BMPR2: variants seen among roughly 807,000 people sequenced by gnomAD.
The protein encoded by BMPR2 is bone morphogenetic protein receptor type 2.
A neutral mutation model predicts 100.8 loss-of-function variants in BMPR2; 29 were observed. The observed-to-expected ratio is 0.29, with a 90% CI of 0.21 to 0.39. The LOEUF is 0.39. Among genes scored for constraint, BMPR2 ranks in the 10% least tolerant of loss-of-function variants. The pLI is 1.00. For missense variants in BMPR2, 1,011 were observed against 1,274.5 expected (o/e 0.79, Z 3.15); for synonymous variants, 382 against 442.3 (o/e 0.86, Z 1.71).
At chr2:202,514,387 T>G (rs1261437044) in intron 4 of BMPR2, among the ~76,000 whole-genome samples, 1 of 152,140 alleles carries the variant, frequency 6.6e-6, no homozygotes, top group Non-Finnish European at 1.5e-5. Flanking sequence ...CCGCCCGCCT[T>G]GGCCTCCCAA....
chr2:202,417,305 T>G (rs1401895617), intron 1 of BMPR2, among the ~76,000 whole-genome samples: 2 of 152,130 alleles, frequency 1.3e-5, no homozygotes, highest in African/African-American at 2.4e-5. Context: ...CCCGGCTAAT[T>G]TATTTTTTTT....
chr2:202,430,195 C>T (rs1691475997), intron 1 of BMPR2, among the ~76,000 whole-genome samples: 1 of 152,014 alleles, frequency 6.6e-6, no homozygotes, highest in South Asian at 2.1e-4. Flanking sequence ...TCTCATTTAA[C>T]CTAAATTAGT....
intron 1 of BMPR2, among the ~76,000 whole-genome samples, chr2:202,424,287 T>C (rs1691335797): frequency 1.3e-5 from 2 of 151,878 alleles, no homozygotes; most frequent in African/African-American, 2.4e-5. Context: ...GGCAAGAGAA[T>C]TGCTTGAACC....
At chr2:202,474,436 G>A (rs1692497877) in intron 3 of BMPR2, among the ~76,000 whole-genome samples, 1 of 152,050 alleles carries the variant, frequency 6.6e-6, no homozygotes, top group South Asian at 2.1e-4. Flanking sequence ...ACTCCAGCCT[G>A]GGCAACAGAA....
intron 3 of BMPR2, among the ~76,000 whole-genome samples, chr2:202,483,026 G>T (rs1692691425): frequency 6.6e-6 from 1 of 151,984 alleles, no homozygotes; most frequent in East Asian, 1.9e-4. Context: ...TCACCTTCTT[G>T]CCGTCACTTG....
chr2:202,556,168 A>C lies in BMPR2; in HGVS notation c.2503A>C (p.Thr835Pro). 4.3e-6 allele frequency: 7 copies of C among 1,612,082 alleles called. No individual in the cohort carries two copies. The highest frequency in any genetic ancestry group is 5.9e-6 in the Non-Finnish European group (7 of 1,178,214). The change falls in exon 12 of 13, where the codon ACA becomes CCA. Residue 835 changes from threonine (T) to proline (P), a missense_variant. By Grantham distance (38) the Thr-to-Pro change is conservative. This residue lies in a region of BMPR2 where 508 missense variants were observed against 552.0 expected (regional missense o/e 0.92). Transcript: ENST00000374580. ...CAATGGGACAGTACTATCTGGCCAA[A>C]CAACCAACATAGTGACACATAGGGC... ...YANGTVLSGQ[T>P]TNIVTHRAQE...
At chr2:202,463,958 G>C (rs973851634) in intron 1 of BMPR2, among the ~76,000 whole-genome samples, 5 of 151,736 alleles carry the variant, frequency 3.3e-5, no homozygotes, top group African/African-American at 1.2e-4. Flanking sequence ...TCGAGAGTTC[G>C]GGACCAGCCT....
chr2:202,446,216 A>C (rs903168327), intron 1 of BMPR2, among the ~76,000 whole-genome samples: 6 of 150,184 alleles, frequency 4.0e-5, no homozygotes, highest in African/African-American at 1.5e-4. Context: ...GCCTGACAAC[A>C]TGGAGAAACC....
At chr2:202,378,828 A>G (rs1690212262) in intron 1 of BMPR2, among the ~76,000 whole-genome samples, 1 of 152,192 alleles carries the variant, frequency 6.6e-6, no homozygotes, top group Admixed American at 6.5e-5. Context: ...TTCTCTAGCC[A>G]TAAGCCATGT....
rs143560630 is a variant in BMPR2, at chr2:202,550,858, T to C, written c.1414-1858T>C. Reference sequence around the variant, plus strand: ...CCAAAAATATAATAATAGTGGCTTTTATAGTTACCTAAGTAGGCTTTTGGG... The same window carrying C: ...CCAAAAATATAATAATAGTGGCTTTCATAGTTACCTAAGTAGGCTTTTGGG... On this transcript the variant is annotated intron_variant, in intron 10 of 12. Coordinates refer to ENST00000374580, the MANE Select transcript of BMPR2 (RefSeq NM_001204.7). 4.1e-3 allele frequency among the ~76,000 whole-genome samples: 620 copies of C among 152,106 alleles called. 10 individuals are homozygous for C. The highest frequency in any genetic ancestry group is 0.038 in the East Asian group (195 of 5,180).
intron 1 of BMPR2, among the ~76,000 whole-genome samples, chr2:202,409,995 C>CT (rs747785038): frequency 2.7e-4 from 41 of 150,774 alleles, no homozygotes; most frequent in African/African-American, 3.9e-4. Flanking sequence ...TTTTCTTTTT[C>CT]TTTTTTTTTG....
intron 1 of BMPR2, among the ~76,000 whole-genome samples, chr2:202,450,342 T>C (rs1169424249): frequency 6.6e-6 from 1 of 152,104 alleles, no homozygotes; most frequent in Non-Finnish European, 1.5e-5. Flanking sequence ...GATACAGAAA[T>C]ATGTAAATTA....
intron 10 of BMPR2, among the ~76,000 whole-genome samples, chr2:202,542,776 T>G (rs1276582325): frequency 2.6e-5 from 4 of 152,180 alleles, no homozygotes; most frequent in Non-Finnish European, 2.9e-5. Context: ...TTGAGAATAG[T>G]ACCAAAACTG....
chr2:202,423,453 A>G (rs1473696393), intron 1 of BMPR2, among the ~76,000 whole-genome samples: 1 of 152,192 alleles, frequency 6.6e-6, no homozygotes, highest in Admixed American at 6.5e-5. Context: ...TCTTGGTGTT[A>G]AAAACTTTTT....
intron 1 of BMPR2, among the ~76,000 whole-genome samples, chr2:202,404,304 G>T (rs2105912547): frequency 6.7e-6 from 1 of 149,842 alleles, no homozygotes; most frequent in East Asian, 2.0e-4. Flanking sequence ...CAATTCTCCT[G>T]CCTCAGCCTC....
At chr2:202,501,995 ATAGT>A (rs1687405198) in intron 3 of BMPR2, among the ~76,000 whole-genome samples, 2 of 152,240 alleles carry the variant, frequency 1.3e-5, no homozygotes, top group South Asian at 4.1e-4. Flanking sequence ...AGGTTACACC[ATAGT>A]TAGTGATGTA....
At chr2:202,481,643 A>G (rs908590417) in intron 3 of BMPR2, among the ~76,000 whole-genome samples, 1 of 152,122 alleles carries the variant, frequency 6.6e-6, no homozygotes, top group South Asian at 2.1e-4. Context: ...CATGAACACG[A>G]TATCTTTCCA....
chr2:202,403,533 A>C (rs1690815288), intron 1 of BMPR2, among the ~76,000 whole-genome samples: 1 of 152,136 alleles, frequency 6.6e-6, no homozygotes, highest in Non-Finnish European at 1.5e-5. Context: ...TTTTTCATTC[A>C]AATTAGAAAT....
At chr2:202,456,474 G>A (rs960869095) in intron 1 of BMPR2, among the ~76,000 whole-genome samples, 7 of 150,352 alleles carry the variant, frequency 4.7e-5, no homozygotes, top group Admixed American at 1.3e-4. Context: ...CACTGCGCCC[G>A]ACCGATTGGT....
Sources: allele counts gnomAD v4.1 joint callset (sites outside exome capture counted in the v4.1 genomes callset), GRCh38; gene constraint gnomAD v4.1.1; regional missense constraint gnomAD v4.1.1; transcripts MANE v1.5; gene names NCBI Gene and HGNC (gene_info 2026-07-23, HGNC 2026-07-21).